Variants in NPAT observed in about 807,000 individuals in gnomAD.
NPAT encodes the protein nuclear protein, coactivator of histone transcription.
NPAT carries 52 observed loss-of-function variants against 130.7 expected under a neutral mutation model. The ratio of observed to expected loss-of-function variants is 0.40; its 90% CI spans 0.32 to 0.50. The LOEUF (loss-of-function observed/expected upper bound fraction) is 0.50. NPAT is among the 20% of genes least tolerant of loss of function. The pLI, the probability that NPAT is intolerant of heterozygous loss-of-function variation, is 0.68. For synonymous variants in NPAT, 580 were observed against 584.8 expected (o/e 0.99, Z 0.12); for missense variants, 1,687 against 1,662.6 (o/e 1.01, Z -0.26).
intron 1 of NPAT, among the ~76,000 whole-genome samples, chr11:108,200,435 G>A (rs980354575): frequency 6.6e-6 from 1 of 152,130 alleles, no homozygotes; most frequent in African/African-American, 2.4e-5. Context: ...ATTTTAGCTG[G>A]TACGGGACCC....
chr11:108,209,675 G>A (rs1465907884), intron 1 of NPAT, among the ~76,000 whole-genome samples: 2 of 152,094 alleles, frequency 1.3e-5, no homozygotes, highest in Non-Finnish European at 2.9e-5. Context: ...AGATCACGAG[G>A]TCAGGAGATC....
intron 15 of NPAT, among the ~76,000 whole-genome samples, chr11:108,162,992 G>C (rs999806694): frequency 2.6e-5 from 4 of 152,140 alleles, no homozygotes; most frequent in African/African-American, 9.7e-5. Flanking sequence ...CTAGAAAGAA[G>C]AGCAAAGATG....
Position 108,185,557 on chromosome 11 carries a change from T to C in NPAT, c.727-63A>G, listed in dbSNP as rs1387989698. ...AGAGTATTCTGCTATTTAATATTTA[T>C]AAGAAAAGAACAAACCGATAAGAGC... is the stretch of plus-strand genomic sequence containing the variant. On this transcript the variant is annotated intron_variant, in intron 8 of 17. Transcript: ENST00000278612. The C allele has an allele frequency of 2.7e-6, 3 of 1,119,272 alleles. No individual in the cohort carries two copies. The East Asian group carries it at 7.4e-5, about 28-fold the overall frequency. 69.3% of individuals were successfully genotyped at this position (1,119,272 alleles called of 1,614,324 possible).
intron 1 of NPAT, among the ~76,000 whole-genome samples, chr11:108,202,157 A>G (rs2078281128): frequency 6.6e-6 from 1 of 152,182 alleles, no homozygotes; most frequent in African/African-American, 2.4e-5. Context: ...CTCCCTGCCC[A>G]TGCCACTATC....
chr11:108,212,707 G>A (rs917145756), intron 1 of NPAT, among the ~76,000 whole-genome samples: 1 of 151,944 alleles, frequency 6.6e-6, no homozygotes, highest in Admixed American at 6.6e-5. Flanking sequence ...CACTCTGGGA[G>A]GCCAAGGCAG....
rs2077978173 is a variant in NPAT, at chr11:108,173,709, T to C, written c.1275A>G (p.Lys425=). The C allele has an allele frequency of 6.2e-7, 1 of 1,614,186 alleles. No homozygotes were observed. The highest frequency in any genetic ancestry group is 8.5e-7 in the Non-Finnish European group (1 of 1,180,026). The change falls in exon 13 of 18, where the codon AAA becomes AAG. Residue 425 remains lysine, a synonymous_variant. Transcript: ENST00000278612. ...TGGGTACAGCTGTTTTAAAGGCCTT[T>C]TTCTGTATGCTGGTACTTATTTGGG... ...NFSQISTSIQ[K]KAFKTAVPTE...
At position 108,158,806 on chromosome 11, in the gene NPAT, A is replaced by C; in HGVS notation, c.*136T>G. The C allele has an allele frequency of 1.6e-6, 1 of 625,926 alleles. No individual in the cohort carries two copies. The highest frequency in any genetic ancestry group is 2.9e-6 in the Non-Finnish European group (1 of 347,282). 38.8% of individuals were successfully genotyped at this position (625,926 alleles called of 1,614,324 possible). On this transcript the variant is annotated 3_prime_UTR_variant, in exon 18 of 18. Transcript: ENST00000278612. ...AGGAAGCTGTTTCAGAAACAGCATGATTTAGATATAAAGTGAAGTTTCAGT... is the reference window on the plus strand; with the variant it reads ...AGGAAGCTGTTTCAGAAACAGCATGCTTTAGATATAAAGTGAAGTTTCAGT...
In NPAT at chr11:108,172,940, A is replaced by T. The variant is rs746579023; in HGVS notation, c.2044T>A (p.Cys682Ser). Reference sequence around the variant, plus strand: ...GGAGGCGTCAGTGCAACTTTCTCACAGTTAGCATTTCCACCTAAAGAGAGA... The same window carrying T: ...GGAGGCGTCAGTGCAACTTTCTCACTGTTAGCATTTCCACCTAAAGAGAGA... ...IFLSLGGNAN[C>S]EKVALTPPEG... Residue 682 changes from cysteine to serine, a missense_variant, in exon 13 of 18, where the codon TGT becomes AGT. Physicochemically the swap from Cys to Ser is moderately radical, Grantham distance 112 (BLOSUM62 -1). Around this residue, in one of 3 missense-constraint regions of NPAT, gnomAD observed 1,379 missense variants for 1,346.6 expected, o/e 1.02. Coordinates refer to ENST00000278612, the MANE Select transcript of NPAT (RefSeq NM_002519.3). The T allele has an allele frequency of 6.2e-7, 1 of 1,614,172 alleles. No homozygotes were observed. The highest frequency in any genetic ancestry group is 1.1e-5 in the South Asian group (1 of 91,086).
In NPAT at chr11:108,173,615, C is replaced by G. The variant is rs1372468255; in HGVS notation, c.1369G>C (p.Gly457Arg). The G allele has an allele frequency of 6.2e-7, 1 of 1,614,158 alleles. No homozygotes were observed. The part of the protein sequence containing the change: ...VPNLNDFNQR[G>R]NSNAECNPHC... ...GGATTACATTCAGCATTAGAATTCC[C>G]TCTTTGGTTAAAGTCATTCAAATTA... The change falls in exon 13 of 18, where the codon GGG (glycine) becomes CGG (arginine). Residue 457 changes from glycine (G) to arginine (R), a missense_variant. Transcript: ENST00000278612.
chr11:108,206,307 G>C (rs1223357767), intron 1 of NPAT, among the ~76,000 whole-genome samples: 1 of 152,194 alleles, frequency 6.6e-6, no homozygotes, highest in Non-Finnish European at 1.5e-5. Context: ...TGCTGGGTTT[G>C]TTCCGCCCAC....
intron 1 of NPAT, among the ~76,000 whole-genome samples, chr11:108,216,921 T>C (rs1180563652): frequency 6.6e-6 from 1 of 152,184 alleles, no homozygotes; most frequent in Non-Finnish European, 1.5e-5. Context: ...ATGTAGTAAA[T>C]AGTTGACTAC....
chr11:108,198,139 T>C (rs533388889), intron 1 of NPAT, among the ~76,000 whole-genome samples: 21 of 152,284 alleles, frequency 1.4e-4, no homozygotes, highest in Admixed American at 5.2e-4. Context: ...TCACAGAATA[T>C]AGACTGCATA....
At chr11:108,208,953 C>G (rs2078356557) in intron 1 of NPAT, among the ~76,000 whole-genome samples, 1 of 152,156 alleles carries the variant, frequency 6.6e-6, no homozygotes. Context: ...AAGCAGTGCA[C>G]AGTGGAAAAT....
At chr11:108,175,943 G>C (rs2078001244) in intron 12 of NPAT, among the ~76,000 whole-genome samples, 1 of 152,094 alleles carries the variant, frequency 6.6e-6, no homozygotes, top group African/African-American at 2.4e-5. Flanking sequence ...CATCGTTTGA[G>C]GCTGCATGCA....
Position 108,188,100 on chromosome 11 carries a change from T to C in NPAT, c.636A>G (p.Lys212=). ...TGTCTCTTTTAAAAAGCATTTACCT[T>C]TTGCGTCTACCGGGAGACATTAAAC... ...HASLMSPGRR[K]SESQRKSTTL... Residue 212 remains lysine, a splice_region_variant and synonymous_variant, in exon 7 of 18, where the codon AAA becomes AAG. Coordinates refer to ENST00000278612, the MANE Select transcript of NPAT (RefSeq NM_002519.3). 6.2e-7 allele frequency: 1 copy of C among 1,612,106 alleles called. No individual in the cohort carries two copies. The highest frequency in any genetic ancestry group is 8.5e-7 in the Non-Finnish European group (1 of 1,178,366).
At chr11:108,218,277 AG>A (rs1291826337) in intron 1 of NPAT, among the ~76,000 whole-genome samples, 1 of 152,306 alleles carries the variant, frequency 6.6e-6, no homozygotes, top group East Asian at 1.9e-4. Flanking sequence ...AATGAATTGA[AG>A]GGGAAACAAC....
intron 1 of NPAT, among the ~76,000 whole-genome samples, chr11:108,213,470 T>C (rs2078403752): frequency 6.6e-6 from 1 of 152,128 alleles, no homozygotes; most frequent in African/African-American, 2.4e-5. Flanking sequence ...AGGACTTGCA[T>C]ACTAAAAACT....
intron 7 of NPAT, among the ~76,000 whole-genome samples, chr11:108,186,977 T>C (rs957755091): frequency 6.6e-6 from 1 of 152,078 alleles, no homozygotes; most frequent in Non-Finnish European, 1.5e-5. Flanking sequence ...AAAAAATGAG[T>C]TTGAAGTCTA....
In NPAT at chr11:108,169,793, G is replaced by A; in HGVS notation, c.2961C>T (p.Val987=). The change falls in exon 15 of 18, where the codon GTC becomes GTT. Residue 987 remains valine, a synonymous_variant. Transcript: ENST00000278612. ...CCTGAGCCTTCTGAGATTTTGGAGG[G>A]ACGGGGAATTGAGGGATACTTCTAT... is the stretch of plus-strand genomic sequence containing the variant. The part of the protein sequence containing the change: ...VCNRSIPQFP[V]PPKSQKAQGL... The A allele has an allele frequency of 6.2e-7, 1 of 1,614,030 alleles. No homozygotes were observed. Among genetic ancestry groups the A allele is most frequent in the Non-Finnish European group, 8.5e-7 (1 of 1,179,882 alleles).
Sources: gnomAD v4.1 joint callset for allele counts (sites outside exome capture counted in the v4.1 genomes callset) on GRCh38, gnomAD v4.1.1 for gene constraint, gnomAD v4.1.1 regional missense constraint, MANE v1.5 for transcripts, NCBI Gene and HGNC (gene_info 2026-07-23, HGNC 2026-07-21) for gene names.